The following RBMS1 variants were observed in gnomAD, a reference collection of about 807,000 sequenced individuals.
RBMS1 encodes the protein RNA binding motif single stranded interacting protein 1, also known as RNA-binding motif, single-stranded-interacting protein 1.
In RBMS1, 17 loss-of-function variants were observed where a neutral mutation model predicts 62.3. The ratio of observed to expected loss-of-function variants is 0.27; its 90% CI spans 0.19 to 0.41. RBMS1 has a LOEUF of 0.41. Among genes scored for constraint, RBMS1 ranks in the 10% least tolerant of loss-of-function variants. The probability of loss-of-function intolerance (pLI) is 1.00; values close to 1 mark genes in which losing one functional copy is unlikely to be tolerated. For missense variants in RBMS1, 334 were observed against 504.5 expected (o/e 0.66, Z 3.24); for synonymous variants, 172 against 170.0 (o/e 1.01, Z -0.09).
chr2:160,333,018 T>G (rs767801594), intron 2 of RBMS1, among the ~76,000 whole-genome samples: 6 of 151,958 alleles, frequency 3.9e-5, no homozygotes, highest in Non-Finnish European at 7.4e-5. Context: ...ATTTTATACT[T>G]TAAAGAGTAA....
At chr2:160,384,084 C>T (rs1289205349) in intron 1 of RBMS1, among the ~76,000 whole-genome samples, 3 of 152,274 alleles carry the variant, frequency 2.0e-5, no homozygotes, top group African/African-American at 7.2e-5. Flanking sequence ...GTAGTCCCAG[C>T]TACTAGGGAG....
chr2:160,384,152 G>C (rs945419758), intron 1 of RBMS1, among the ~76,000 whole-genome samples: 74 of 152,158 alleles, frequency 4.9e-4, no homozygotes, highest in Admixed American at 2.6e-4. Context: ...AGCCAAGATC[G>C]TGCCACCGCA....
intron 3 of RBMS1, among the ~76,000 whole-genome samples, chr2:160,317,703 A>T (rs924583625): frequency 6.6e-5 from 10 of 152,188 alleles, no homozygotes; most frequent in African/African-American, 2.4e-4. Context: ...AGCAGAGAAC[A>T]ATTGGGAGTA....
chr2:160,313,015 G>A (rs72972839), intron 4 of RBMS1, 141 bp downstream of exon 4: 12,255 of 633,664 alleles, frequency 0.019, 232 homozygotes, highest in African/African-American at 0.05. Flanking sequence ...GGAGGCTGCG[G>A]AGGCACAGGA....
chr2:160,453,381 T>C (rs1384901356), intron 1 of RBMS1, among the ~76,000 whole-genome samples: 2 of 152,188 alleles, frequency 1.3e-5, no homozygotes, highest in Admixed American at 1.3e-4. Flanking sequence ...GTAAAAGCAT[T>C]TCCCCTTGAC....
At chr2:160,385,921 G>A (rs1694546721) in intron 1 of RBMS1, among the ~76,000 whole-genome samples, 2 of 152,128 alleles carry the variant, frequency 1.3e-5, no homozygotes, top group South Asian at 4.1e-4. Flanking sequence ...GGTTTCTGTG[G>A]TAACCTGGGA....
chr2:160,340,228 A>G (rs1473463377), intron 2 of RBMS1, among the ~76,000 whole-genome samples: 1 of 152,210 alleles, frequency 6.6e-6, no homozygotes, highest in Non-Finnish European at 1.5e-5. Flanking sequence ...TTTAAGGACT[A>G]TAGGTTAAAA....
chr2:160,450,117 G>A (rs894808969), intron 1 of RBMS1, among the ~76,000 whole-genome samples: 6 of 152,144 alleles, frequency 3.9e-5, no homozygotes, highest in African/African-American at 1.4e-4. Context: ...CTGCCATCCT[G>A]AATGACAACT....
chr2:160,444,202 A>G (rs1344436425), intron 1 of RBMS1, among the ~76,000 whole-genome samples: 3 of 152,152 alleles, frequency 2.0e-5, no homozygotes, highest in Non-Finnish European at 2.9e-5. Flanking sequence ...CAAATATTAT[A>G]AAATACATTG....
At chr2:160,284,947 C>T in intron 8 of RBMS1, 48 bp downstream of exon 8, 2 of 1,582,212 alleles carry the variant, frequency 1.3e-6, no homozygotes, top group East Asian at 2.2e-5. Context: ...ATATTTTCCA[C>T]CTTCACATTT....
At chr2:160,448,872 T>C (rs141145395) in intron 1 of RBMS1, among the ~76,000 whole-genome samples, 75,469 of 148,180 alleles carry the variant, frequency 0.51, 19,962 homozygotes, top group East Asian at 0.63. Context: ...TGGCCGCCCA[T>C]CGTCTGAGAT....
At chr2:160,446,102 A>G (rs1201461258) in intron 1 of RBMS1, among the ~76,000 whole-genome samples, 3 of 152,214 alleles carry the variant, frequency 2.0e-5, no homozygotes, top group African/African-American at 7.2e-5. Flanking sequence ...TATCATTATC[A>G]TAACGTTTCC....
At chr2:160,393,809 GA>G (rs371642014) in intron 1 of RBMS1, among the ~76,000 whole-genome samples, 48 of 149,574 alleles carry the variant, frequency 3.2e-4, no homozygotes, top group African/African-American at 1.1e-3. Flanking sequence ...ACAAGAAAAA[GA>G]AAAAAAAAGA....
At chr2:160,310,744 C>A (rs1022885041) in intron 4 of RBMS1, among the ~76,000 whole-genome samples, 1 of 152,098 alleles carries the variant, frequency 6.6e-6, no homozygotes, top group African/African-American at 2.4e-5. Flanking sequence ...GCCGGGTTAC[C>A]CATTGTTTAC....
chr2:160,487,128 A>G (rs993728074), intron 1 of RBMS1, among the ~76,000 whole-genome samples: 1 of 152,258 alleles, frequency 6.6e-6, no homozygotes, highest in Non-Finnish European at 1.5e-5. Context: ...AGTACTCTTA[A>G]AAGAATTTAT....
chr2:160,411,296 C>T (rs770617146), intron 1 of RBMS1, among the ~76,000 whole-genome samples: 11 of 152,152 alleles, frequency 7.2e-5, no homozygotes, highest in Non-Finnish European at 8.8e-5. Context: ...TATAAGAGTG[C>T]CAGGGGTAGA....
At chr2:160,322,454 T>C (rs1690612896) in intron 2 of RBMS1, among the ~76,000 whole-genome samples, 1 of 152,216 alleles carries the variant, frequency 6.6e-6, no homozygotes, top group South Asian at 2.1e-4. Context: ...AGACAGAGGA[T>C]GGTGAGTAGA....
intron 1 of RBMS1, among the ~76,000 whole-genome samples, chr2:160,383,662 C>A (rs1694410056): frequency 6.6e-6 from 1 of 152,092 alleles, no homozygotes; most frequent in African/African-American, 2.4e-5. Context: ...CAATATCCTC[C>A]TTCTAGCTAT....
chr2:160,461,031 G>A (rs1684438404), intron 1 of RBMS1, among the ~76,000 whole-genome samples: 1 of 152,208 alleles, frequency 6.6e-6, no homozygotes, highest in African/African-American at 2.4e-5. Flanking sequence ...GGCCAAGGCT[G>A]GAGGATCACT....
Sources: allele counts gnomAD v4.1 joint callset (sites outside exome capture counted in the v4.1 genomes callset), GRCh38; gene constraint gnomAD v4.1.1; transcripts MANE v1.5; gene names NCBI Gene and HGNC (gene_info 2026-07-23, HGNC 2026-07-21).